Variants in SLC9A7 observed in about 807,000 individuals in gnomAD.
SLC9A7 encodes solute carrier family 9 member A7, also known as sodium/hydrogen exchanger 7.
In SLC9A7, 19 loss-of-function variants were observed where a neutral mutation model predicts 52.6. The observed-to-expected ratio is 0.36, with a 90% CI of 0.25 to 0.53. SLC9A7 has a LOEUF of 0.53. SLC9A7 is among the 20% of genes least tolerant of loss of function. SLC9A7 has a pLI of 0.91. For missense variants in SLC9A7, 455 were observed against 597.9 expected (o/e 0.76, Z 2.49); for synonymous variants, 226 against 252.1 (o/e 0.90, Z 0.98).
intron 1 of SLC9A7, among the ~76,000 whole-genome samples, chrX:46,738,087 GAAA>G (rs1945158418): frequency 2.9e-5 from 2 of 67,914 alleles, no homozygotes; most frequent in African/African-American, 8.1e-5. Flanking sequence ...AAGAAAGAAA[GAAA>G]GAAAGAAAGA....
intron 15 of SLC9A7, among the ~76,000 whole-genome samples, chrX:46,615,417 C>T (rs988265071): frequency 1.8e-5 from 2 of 110,916 alleles, no homozygotes; most frequent in South Asian, 3.8e-4. Context: ...GCAGACCAGG[C>T]GCTCCTCCAA....
Position 46,602,498 on chromosome X carries a change from T to C in SLC9A7, c.*4454A>G, listed in dbSNP as rs755695338. 2 of 112,044 alleles carry C rather than the reference T, an allele frequency of 1.8e-5. No individual in the cohort carries two copies. The highest frequency in any genetic ancestry group is 3.8e-5 in the Non-Finnish European group (2 of 53,276). 9.2% of individuals were successfully genotyped at this position (112,044 alleles called of 1,213,427 possible). A position where few individuals can be genotyped will look rare whatever the true frequency, so the allele number is the denominator to read the frequency against. ...CACTCCTGAGGTTCCAAACAAAGCA[T>C]GGATTCCAGGTCCCACCTGAAGCTA... On this transcript the variant is annotated 3_prime_UTR_variant, in exon 17 of 17. Coordinates refer to ENST00000616978, the MANE Select transcript of SLC9A7 (RefSeq NM_001257291.2).
intron 7 of SLC9A7, among the ~76,000 whole-genome samples, chrX:46,661,177 A>T (rs1433785180): frequency 3.8e-5 from 4 of 105,594 alleles, no homozygotes; most frequent in East Asian, 3.0e-4. Context: ...AACAATGAGA[A>T]CACATGGACA....
chrX:46,635,883 G>A (rs1468310371), intron 12 of SLC9A7, among the ~76,000 whole-genome samples: 2 of 112,071 alleles, frequency 1.8e-5, no homozygotes, highest in Non-Finnish European at 3.8e-5. Context: ...GATCAGGAAT[G>A]AGGATGAGCC....
At position 46,602,753 on chromosome X, in the gene SLC9A7, C is replaced by A. The variant is rs745808972; in HGVS notation, c.*4199G>T. 2 of 112,623 alleles carry A rather than the reference C, an allele frequency of 1.8e-5. No individual in the cohort carries two copies. Among genetic ancestry groups the A allele is most frequent in the Non-Finnish European group, 3.7e-5 (2 of 53,348 alleles). 9.3% of individuals were successfully genotyped at this position (112,623 alleles called of 1,213,427 possible). A position where few individuals can be genotyped will look rare whatever the true frequency, so the allele number is the denominator to read the frequency against. ...TGTACCATTACTTAGCAGTTTCAAT[C>A]TGATCTTATGCCAGACTGGCAGCAG... On this transcript the variant is annotated 3_prime_UTR_variant, in exon 17 of 17. Coordinates refer to ENST00000616978, the MANE Select transcript of SLC9A7 (RefSeq NM_001257291.2).
At chrX:46,679,049 A>G (rs1569516294) in intron 3 of SLC9A7, among the ~76,000 whole-genome samples, 1 of 110,058 alleles carries the variant, frequency 9.1e-6, no homozygotes, top group Non-Finnish European at 1.9e-5. Flanking sequence ...CACCATCCCT[A>G]TTCACTGGCA....
intron 1 of SLC9A7, among the ~76,000 whole-genome samples, chrX:46,716,537 T>C (rs2146947431): frequency 9.0e-6 from 1 of 111,363 alleles, no homozygotes; most frequent in South Asian, 3.8e-4. Flanking sequence ...GGAAGGAATT[T>C]CCTTGCCCAA....
chrX:46,714,725 T>C (rs1449496767), intron 1 of SLC9A7, among the ~76,000 whole-genome samples: 2 of 112,138 alleles, frequency 1.8e-5, no homozygotes, highest in African/African-American at 6.5e-5. Context: ...CTTCGTTATA[T>C]TTCTAATAAG....
intron 1 of SLC9A7, among the ~76,000 whole-genome samples, chrX:46,718,380 G>T (rs2146951250): frequency 8.9e-6 from 1 of 112,004 alleles, no homozygotes; most frequent in African/African-American, 3.3e-5. Flanking sequence ...TCAGGACACA[G>T]GCCTGGGCAA....
intron 16 of SLC9A7, among the ~76,000 whole-genome samples, chrX:46,611,639 C>T (rs1942851110): frequency 8.9e-6 from 1 of 112,803 alleles, no homozygotes; most frequent in African/African-American, 3.2e-5. Flanking sequence ...GTGTAAAGTT[C>T]TGTCGCTGCC....
intron 1 of SLC9A7, among the ~76,000 whole-genome samples, chrX:46,684,464 C>G (rs1284430228): frequency 8.9e-6 from 1 of 112,031 alleles, no homozygotes. Flanking sequence ...CTCGGCCTCC[C>G]AAAGTGCTGG....
intron 5 of SLC9A7, among the ~76,000 whole-genome samples, chrX:46,669,167 C>CAAAAAAAA (rs35516404): frequency 1.3e-5 from 1 of 74,439 alleles, no homozygotes; most frequent in Non-Finnish European, 2.6e-5. Flanking sequence ...GACTCTGTCT[C>CAAAAAAAA]AAAAAAAAAA....
In SLC9A7 at chrX:46,702,095, T is replaced by C. The variant is rs140147373; in HGVS notation, c.326-19560A>G. ...TATGGATTATTAGGTAACCTGCCTT[T>C]TTTCTCCCCATAATACACTTGTGAG... On this transcript the variant is annotated intron_variant, in intron 1 of 16. Coordinates refer to ENST00000616978, the MANE Select transcript of SLC9A7 (RefSeq NM_001257291.2). Among the ~76,000 whole-genome samples, 36 of 111,260 alleles carry C rather than the reference T, an allele frequency of 3.2e-4. No individual in the cohort carries two copies. The East Asian group carries it at 9.6e-3, about 30-fold the overall frequency.
At chrX:46,741,893 T>A (rs754668114) in intron 1 of SLC9A7, among the ~76,000 whole-genome samples, 2 of 108,520 alleles carry the variant, frequency 1.8e-5, no homozygotes, top group Non-Finnish European at 3.8e-5. Context: ...AAATTACACA[T>A]CTAATGAAGT....
intron 11 of SLC9A7, among the ~76,000 whole-genome samples, chrX:46,644,876 T>C (rs1194534576): frequency 8.9e-6 from 1 of 111,975 alleles, no homozygotes; most frequent in African/African-American, 3.2e-5. Flanking sequence ...ACAAAGTTGA[T>C]GTTTTCTATT....
intron 1 of SLC9A7, among the ~76,000 whole-genome samples, chrX:46,724,074 C>T (rs980921090): frequency 8.9e-6 from 1 of 112,359 alleles, no homozygotes; most frequent in Non-Finnish European, 1.9e-5. Context: ...GCCTGGGCAA[C>T]AGAGTGAGAT....
intron 11 of SLC9A7, chrX:46,646,644 C>T (rs771989819): frequency 1.5e-5 from 4 of 266,320 alleles, no homozygotes; most frequent in East Asian, 9.2e-5. Context: ...GCTTTATGCA[C>T]GGTCTCTTCA....
chrX:46,688,259 G>A (rs756735179), intron 1 of SLC9A7, among the ~76,000 whole-genome samples: 2 of 111,484 alleles, frequency 1.8e-5, no homozygotes, highest in Non-Finnish European at 3.8e-5. Flanking sequence ...AAACTACATT[G>A]GGAAAAATGT....
intron 10 of SLC9A7, among the ~76,000 whole-genome samples, chrX:46,650,598 T>G (rs1279598615): frequency 9.1e-6 from 1 of 110,272 alleles, no homozygotes; most frequent in African/African-American, 3.3e-5. Context: ...CCCTGGGCAG[T>G]GTGAGGAAGG....
Sources: allele counts gnomAD v4.1 joint callset (sites outside exome capture counted in the v4.1 genomes callset), GRCh38; gene constraint gnomAD v4.1.1; transcripts MANE v1.5; gene names NCBI Gene and HGNC (gene_info 2026-07-23, HGNC 2026-07-21).